Variants in PDZD2 observed in about 807,000 individuals in gnomAD.
PDZD2 encodes the protein PDZ domain containing 2, also known as PDZ domain-containing protein 2.
A neutral mutation model predicts 220.7 loss-of-function variants in PDZD2; 90 were observed. That is an observed-to-expected ratio of 0.41 (90% CI 0.34 to 0.49). The LOEUF (loss-of-function observed/expected upper bound fraction) is 0.49, where lower values mean the gene tolerates loss of function less well. PDZD2 is among the 20% of genes least tolerant of loss of function. The probability of loss-of-function intolerance (pLI) is 0.28; values close to 1 mark genes in which losing one functional copy is unlikely to be tolerated. For synonymous variants in PDZD2, 1,375 were observed against 1,450.5 expected, an observed-to-expected ratio of 0.95 and a Z score of 1.18; for missense variants, 3,174 against 3,608.5, an observed-to-expected ratio of 0.88 and a Z score of 3.08.
rs1752009940 is a variant in PDZD2, at chr5:32,000,430, T to G, written c.1254+159T>G. On this transcript the variant is annotated intron_variant, in intron 5 of 24. Transcript: ENST00000438447. This position sits in a 1 kb window ranked among gnomAD's most constrained non-coding sequence, Gnocchi z 4.5. The stretch of plus-strand genomic sequence containing the variant: ...CTTGCTTCCACAGGGCAACGCTATA[T>G]GGAGACCCTTAGCTGAAGTGCAGTT... 6.6e-6 allele frequency among the ~76,000 whole-genome samples: 1 copy of G among 152,226 alleles called. No homozygotes were observed. The highest frequency in any genetic ancestry group is 2.4e-5 in the African/African-American group (1 of 41,454).
intron 14 of PDZD2, among the ~76,000 whole-genome samples, chr5:32,063,067 C>T (rs1012522371): frequency 1.1e-4 from 11 of 96,878 alleles, no homozygotes; most frequent in South Asian, 9.4e-4. Context: ...TTATTTGAGA[C>T]GGAGTCTAGC....
chr5:31,826,627 G>A (rs1756237751), intron 2 of PDZD2, among the ~76,000 whole-genome samples: 1 of 149,710 alleles, frequency 6.7e-6, no homozygotes. Flanking sequence ...AGTGAGCCGA[G>A]ATCACGCCAC....
chr5:31,708,807 G>A (rs920259445), intron 1 of PDZD2, among the ~76,000 whole-genome samples: 2 of 152,080 alleles, frequency 1.3e-5, no homozygotes, highest in Non-Finnish European at 2.9e-5. Context: ...ACCCATTAAG[G>A]GAAGCCCAGT....
intron 6 of PDZD2, among the ~76,000 whole-genome samples, chr5:32,022,205 T>G (rs371751694): frequency 4.5e-4 from 68 of 150,792 alleles, no homozygotes; most frequent in African/African-American, 8.5e-4. Flanking sequence ...TTTTTGTTTT[T>G]TTTTGGAGTT....
At chr5:31,953,365 T>C (rs1747353878) in intron 2 of PDZD2, among the ~76,000 whole-genome samples, 1 of 152,114 alleles carries the variant, frequency 6.6e-6, no homozygotes, top group African/African-American at 2.4e-5. Flanking sequence ...CCAGATGAGA[T>C]AAAAATAGCT....
At chr5:31,726,703 T>C (rs964728733) in intron 1 of PDZD2, among the ~76,000 whole-genome samples, 1 of 152,142 alleles carries the variant, frequency 6.6e-6, no homozygotes, top group Non-Finnish European at 1.5e-5. Context: ...GGCTTAGACC[T>C]GGGGAAGACC....
intron 2 of PDZD2, among the ~76,000 whole-genome samples, chr5:31,846,266 T>C (rs1201321287): frequency 6.6e-6 from 1 of 152,226 alleles, no homozygotes; most frequent in African/African-American, 2.4e-5. Flanking sequence ...CCCGAGTAGC[T>C]GGGATTACAG....
intron 2 of PDZD2, among the ~76,000 whole-genome samples, chr5:31,874,007 CG>C (rs1394081794): frequency 2.0e-5 from 3 of 152,226 alleles, no homozygotes; most frequent in South Asian, 2.1e-4. Flanking sequence ...GGATTACAGG[CG>C]TGAGCCACTG....
Position 32,042,407 on chromosome 5 carries a change from C to CAAA in PDZD2, c.1519+5079_1519+5081dup, listed in dbSNP as rs546222216. On this transcript the variant is annotated intron_variant, in intron 7 of 24. Coordinates refer to ENST00000438447, the MANE Select transcript of PDZD2 (RefSeq NM_178140.4). The stretch of plus-strand genomic sequence containing the variant: ...CAAAACCCCATCTCTACTAAAAATA[C>CAAA]AAAAAAAAAAAAAAAATTAGTTGGG... Among the ~76,000 whole-genome samples the CAAA allele has an allele frequency of 3.1e-5, 3 of 95,448 alleles. No homozygotes were observed. The Admixed American group carries it at 3.4e-4, about 11-fold the overall frequency. 62.6% of individuals were successfully genotyped at this position (95,448 alleles called of 152,430 possible).
intron 2 of PDZD2, among the ~76,000 whole-genome samples, chr5:31,837,200 CAG>C (rs1296903713): frequency 1.3e-5 from 2 of 152,104 alleles, no homozygotes; most frequent in African/African-American, 4.8e-5. Context: ...CCACAAAATG[CAG>C]ACTCTCCACA....
At chr5:31,905,422 C>G (rs1034897952) in intron 2 of PDZD2, among the ~76,000 whole-genome samples, 1 of 152,204 alleles carries the variant, frequency 6.6e-6, no homozygotes, top group Non-Finnish European at 1.5e-5. Flanking sequence ...TCTCTACCTG[C>G]AACCTGAGGA....
intron 18 of PDZD2, among the ~76,000 whole-genome samples, chr5:32,076,773 A>T (rs762973480): frequency 3.3e-5 from 5 of 152,246 alleles, no homozygotes; most frequent in Non-Finnish European, 5.9e-5. Context: ...GTTACTAATA[A>T]ATAGAAAATT....
At chr5:31,911,816 C>G (rs932970116) in intron 2 of PDZD2, among the ~76,000 whole-genome samples, 1 of 152,210 alleles carries the variant, frequency 6.6e-6, no homozygotes, top group African/African-American at 2.4e-5. Context: ...GACTGCGCTT[C>G]TCTTCTGCCA....
intron 2 of PDZD2, among the ~76,000 whole-genome samples, chr5:31,914,109 C>CT (rs1457834555): frequency 6.6e-6 from 1 of 152,222 alleles, no homozygotes; most frequent in African/African-American, 2.4e-5. Context: ...AATTAAACAG[C>CT]TAATGAAATT....
chr5:32,041,359 C>A (rs977412051), intron 7 of PDZD2, among the ~76,000 whole-genome samples: 2 of 152,106 alleles, frequency 1.3e-5, no homozygotes, highest in African/African-American at 4.8e-5. Context: ...CAGCGACCAT[C>A]GAGAACGGGC....
At chr5:31,856,903 C>G (rs1758493716) in intron 2 of PDZD2, among the ~76,000 whole-genome samples, 1 of 73,432 alleles carries the variant, frequency 1.4e-5, no homozygotes, top group South Asian at 5.9e-4. Flanking sequence ...CCCTCCTTAT[C>G]AAAACTATAT....
chr5:31,925,110 C>G (rs12659322), intron 2 of PDZD2, among the ~76,000 whole-genome samples: 36,535 of 152,110 alleles, frequency 0.24, 4,646 homozygotes, highest in Non-Finnish European at 0.26. Context: ...GGCAGGAGGG[C>G]CTAAGGGGCT....
At chr5:31,956,793 A>G (rs372369948) in intron 2 of PDZD2, among the ~76,000 whole-genome samples, 133 of 149,264 alleles carry the variant, frequency 8.9e-4, no homozygotes, top group African/African-American at 3.2e-3. Context: ...AAAGGGACAA[A>G]GAGGAAACTG....
rs955304578 is a variant in PDZD2 at position 32,104,608 on chromosome 5, TAC to T, written c.8354-3360_8354-3359del. Among the ~76,000 whole-genome samples the T allele has an allele frequency of 2.7e-5, 4 of 148,038 alleles. No individual in the cohort carries two copies. The Admixed American group carries it at 2.8e-4, about 10-fold the overall frequency. Reference sequence around the variant, plus strand: ...TGTGGTGCATGCCTGTAATCCCAGCTACTCAGGAGGCTGAGGCAGGAGAGTCA... The same window carrying T: ...TGTGGTGCATGCCTGTAATCCCAGCTTCAGGAGGCTGAGGCAGGAGAGTCA... On this transcript the variant is annotated intron_variant, in intron 24 of 24. Transcript: ENST00000438447.
Sources: gnomAD v4.1 joint callset for allele counts (sites outside exome capture counted in the v4.1 genomes callset) on GRCh38, gnomAD v4.1.1 for gene constraint, Gnocchi (gnomAD v3.1) non-coding constraint, MANE v1.5 for transcripts, NCBI Gene and HGNC (gene_info 2026-07-23, HGNC 2026-07-21) for gene names.